TBCD: variants seen among roughly 807,000 people sequenced by gnomAD.
The protein encoded by TBCD is tubulin folding cofactor D, also known as tubulin-specific chaperone D.
TBCD carries 105 observed loss-of-function variants against 169.3 expected under a neutral mutation model. The ratio of observed to expected loss-of-function variants is 0.62; its 90% CI spans 0.53 to 0.73. The LOEUF is 0.73. TBCD is among the 30% of genes least tolerant of loss of function. The pLI, the probability that TBCD is intolerant of heterozygous loss-of-function variation, is 0.00. For synonymous variants in TBCD, 700 were observed against 643.9 expected (o/e 1.09, Z -1.32); for missense variants, 1,444 against 1,600.1 (o/e 0.90, Z 1.66).
intron 2 of TBCD, among the ~76,000 whole-genome samples, chr17:82,757,809 G>A (rs1299762619): frequency 5.9e-5 from 9 of 152,134 alleles, no homozygotes. Context: ...TAGCCATGCT[G>A]GATGGCGTGG....
Position 82,831,246 on chromosome 17 carries a change from G to A in TBCD, c.1318+16312G>A, listed in dbSNP as rs1051100039. The A allele has an allele frequency of 2.1e-5, 34 of 1,613,896 alleles. No homozygotes were observed. The highest frequency in any genetic ancestry group is 2.8e-5 in the Non-Finnish European group (33 of 1,180,036). On this transcript the variant is annotated intron_variant, in intron 13 of 38. Coordinates refer to ENST00000355528, the MANE Select transcript of TBCD (RefSeq NM_005993.5). The surrounding 1 kb of genome is among the most constrained non-coding windows in gnomAD (Gnocchi z 4.6). ...GGGAGCCCGTGGCTGCACTCCCTGC[G>A]CGGGGGCTCATTTTGGACCCTTCCG...
chr17:82,763,860 C>T, intron 2 of TBCD, 105 bp from the exon 3 acceptor site: 1 of 897,392 alleles, frequency 1.1e-6, no homozygotes, highest in Non-Finnish European at 1.8e-6. Context: ...CCACCTTGGT[C>T]TCCCAAAGTG....
chr17:82,832,023 T>G lies in TBCD; in HGVS notation c.1318+17089T>G, dbSNP rs754071746. The G allele has an allele frequency of 3.7e-6, 6 of 1,612,612 alleles. No homozygotes were observed. Among genetic ancestry groups the G allele is most frequent in the Non-Finnish European group, 5.1e-6 (6 of 1,178,772 alleles). On this transcript the variant is annotated intron_variant, in intron 13 of 38. Coordinates refer to ENST00000355528, the MANE Select transcript of TBCD (RefSeq NM_005993.5). This position sits in a 1 kb window ranked among gnomAD's most constrained non-coding sequence, Gnocchi z 4.9. Reference sequence around the variant, plus strand: ...GAGCAGGCTGGGCACCGAGGGCGGCTTCCGGAGCTGGGCTCTTGCAGGGTG... The same window carrying G: ...GAGCAGGCTGGGCACCGAGGGCGGCGTCCGGAGCTGGGCTCTTGCAGGGTG...
At chr17:82,768,697 C>G in intron 5 of TBCD, 131 bp downstream of exon 5, 1 of 977,122 alleles carries the variant, frequency 1.0e-6, no homozygotes, top group African/African-American at 1.7e-5. Flanking sequence ...GGGGTAAAAT[C>G]CCATAGGATA....
rs897179634 is a variant in TBCD, at chr17:82,831,064, C to G, written c.1318+16130C>G. On this transcript the variant is annotated intron_variant, in intron 13 of 38. Transcript: ENST00000355528. The surrounding 1 kb of genome is among the most constrained non-coding windows in gnomAD (Gnocchi z 4.6). Reference sequence around the variant, plus strand: ...GGTCTCAGCAGCCTGGGCAGGTAGGCATTCTGTGCTTTTCTTAACAGGCCT... The same window carrying G: ...GGTCTCAGCAGCCTGGGCAGGTAGGGATTCTGTGCTTTTCTTAACAGGCCT... 3 of 1,614,076 alleles carry G rather than the reference C, an allele frequency of 1.9e-6. No homozygotes were observed. Among genetic ancestry groups the G allele is most frequent in the African/African-American group, 2.7e-5 (2 of 74,940 alleles).
At chr17:82,812,138 C>T (rs1385199811) in intron 12 of TBCD, among the ~76,000 whole-genome samples, 1 of 152,140 alleles carries the variant, frequency 6.6e-6, no homozygotes, top group Non-Finnish European at 1.5e-5. Flanking sequence ...GTGGCAGAAG[C>T]AGGGTGCCTT....
rs1373467512 is a variant in TBCD at position 82,915,353 on chromosome 17, A to G, written c.2038+3564A>G. Among the ~76,000 whole-genome samples the G allele has an allele frequency of 2.0e-5, 3 of 152,152 alleles. No individual in the cohort carries two copies. The highest frequency in any genetic ancestry group is 4.4e-5 in the Non-Finnish European group (3 of 68,022). On this transcript the variant is annotated intron_variant, in intron 23 of 38. Coordinates refer to ENST00000355528, the MANE Select transcript of TBCD (RefSeq NM_005993.5). This position sits in a 1 kb window ranked among gnomAD's most constrained non-coding sequence, Gnocchi z 4.3. ...ACCCTTGGGAGTCGTCTGCGTCCCC[A>G]TATCAAAGAAATGTCATACAGGTTG...
chr17:82,876,565 AG>A (rs1256759431), intron 14 of TBCD, among the ~76,000 whole-genome samples: 24 of 152,346 alleles, frequency 1.6e-4, no homozygotes, highest in Admixed American at 1.6e-3. Flanking sequence ...TCGATGAGCC[AG>A]TTTTGTTCTG....
At chr17:82,761,227 G>A (rs771050685) in intron 2 of TBCD, among the ~76,000 whole-genome samples, 1 of 152,144 alleles carries the variant, frequency 6.6e-6, no homozygotes, top group Non-Finnish European at 1.5e-5. Context: ...GCCTCCCAAA[G>A]TGCTGGGATT....
At chr17:82,910,593 G>C (rs918495296) in intron 22 of TBCD, among the ~76,000 whole-genome samples, 1 of 151,500 alleles carries the variant, frequency 6.6e-6, no homozygotes, top group Non-Finnish European at 1.5e-5. Flanking sequence ...TGGAGAAGCA[G>C]TCTCACTCTG....
intron 13 of TBCD, among the ~76,000 whole-genome samples, chr17:82,859,038 G>A (rs987156235): frequency 6.6e-6 from 1 of 152,260 alleles, no homozygotes; most frequent in Non-Finnish European, 1.5e-5. Context: ...GGCCCCGAGA[G>A]GCCATGGGGA....
Position 82,927,242 on chromosome 17 carries a change from A to G in TBCD, c.2528A>G (p.Glu843Gly), listed in dbSNP as rs774817902. ...GCCCCAGACGAAGCTGTGTGCGGAGAGAATGTTTCCCAGATTTACTGTGCG... is the reference window on the plus strand; with the variant it reads ...GCCCCAGACGAAGCTGTGTGCGGAGGGAATGTTTCCCAGATTTACTGTGCG... ...AGAPDEAVCG[E>G]NVSQIYCALL... The change falls in exon 29 of 39, where the codon GAG (glutamate) becomes GGG (glycine). Residue 843 changes from glutamate to glycine, a missense_variant. Transcript: ENST00000355528. The G allele has an allele frequency of 1.4e-5, 23 of 1,613,770 alleles. No individual in the cohort carries two copies. In the African/African-American group the frequency reaches 2.4e-4, roughly 17 times the overall value.
At position 82,752,122 on chromosome 17, in the gene TBCD, C is replaced by A; in HGVS notation, c.-72C>A. ...CCTTTTCATCCCTCATCCTTCATCC[C>A]TGGCTTTCGCGCTCTAGCGGAGTGG... On this transcript the variant is annotated 5_prime_UTR_variant, in exon 1 of 39. It adds an upstream start codon to the 5' untranslated region. Transcript: ENST00000355528. 7.1e-7 allele frequency: 1 copy of A among 1,406,352 alleles called. No homozygotes were observed. The highest frequency in any genetic ancestry group is 9.3e-7 in the Non-Finnish European group (1 of 1,080,546). 87.1% of individuals were successfully genotyped at this position (1,406,352 alleles called of 1,614,324 possible).
chr17:82,845,121 G>T (rs1444803824), intron 13 of TBCD, among the ~76,000 whole-genome samples: 5 of 152,138 alleles, frequency 3.3e-5, no homozygotes, highest in Non-Finnish European at 7.4e-5. Context: ...CGCGGCCTCT[G>T]TGTCAGGGCC....
rs75242796 is a variant in TBCD, at chr17:82,927,172, A to C, written c.2472-14A>C. The C allele has an allele frequency of 4.3e-3, 6,886 of 1,613,954 alleles. 287 individuals carry two copies. In the African/African-American group the frequency reaches 0.08, roughly 19 times the overall value. ...CCGATGTTTGTTTGTTAGCTCACACATTTTAAATTTCAGGATTTGCCAGAC... is the reference window on the plus strand; with the variant it reads ...CCGATGTTTGTTTGTTAGCTCACACCTTTTAAATTTCAGGATTTGCCAGAC... On this transcript the variant is annotated splice_polypyrimidine_tract_variant and intron_variant, in intron 28 of 38. Coordinates refer to ENST00000355528, the MANE Select transcript of TBCD (RefSeq NM_005993.5).
Position 82,809,745 on chromosome 17 carries a change from G to A in TBCD, c.1186G>A (p.Ala396Thr), listed in dbSNP as rs1357608820. The change falls in exon 12 of 39, where the codon GCG becomes ACG. Residue 396 changes from alanine to threonine, a missense_variant. Physicochemically the swap from Ala to Thr is moderately conservative, Grantham distance 58 (BLOSUM62 0). Coordinates refer to ENST00000355528, the MANE Select transcript of TBCD (RefSeq NM_005993.5). Reference sequence around the variant, plus strand: ...GGCTGGCAGGCTTCCCAGAGCCCTGGCGGATGATGTGGTCGGGTCTGTGCT... The same window carrying A: ...GGCTGGCAGGCTTCCCAGAGCCCTGACGGATGATGTGGTCGGGTCTGTGCT... The part of the protein sequence containing the change: ...RMAGRLPRAL[A>T]DDVVGSVLDC... 1 of 1,613,598 alleles carries A rather than the reference G, an allele frequency of 6.2e-7. No individual in the cohort carries two copies. The highest frequency in any genetic ancestry group is 8.5e-7 in the Non-Finnish European group (1 of 1,179,768).
At position 82,930,868 on chromosome 17, in the gene TBCD, G is replaced by A. The variant is rs2062142539; in HGVS notation, c.3113+225G>A. 6.6e-6 allele frequency among the ~76,000 whole-genome samples: 1 copy of A among 152,240 alleles called. No homozygotes were observed. Among genetic ancestry groups the A allele is most frequent in the African/African-American group, 2.4e-5 (1 of 41,464 alleles). On this transcript the variant is annotated intron_variant, in intron 33 of 38. Transcript: ENST00000355528. This position sits in a 1 kb window ranked among gnomAD's most constrained non-coding sequence, Gnocchi z 5.2. ...GCGCCTCCTCTTCTAGCCTCCACAT[G>A]AGGCAGGGAAATGACCGTTGTGTGT... is the stretch of plus-strand genomic sequence containing the variant.
chr17:82,846,837 C>T (rs908654865), intron 13 of TBCD, among the ~76,000 whole-genome samples: 2 of 152,180 alleles, frequency 1.3e-5, no homozygotes, highest in Admixed American at 6.5e-5. Context: ...CCCTCCCCAC[C>T]CACCCTCATT....
At chr17:82,794,505 C>T (rs1467116969) in intron 7 of TBCD, among the ~76,000 whole-genome samples, 1 of 152,108 alleles carries the variant, frequency 6.6e-6, no homozygotes, top group African/African-American at 2.4e-5. Flanking sequence ...TAATTTGGTT[C>T]CCATTATGCT....
Sources: allele counts gnomAD v4.1 joint callset (sites outside exome capture counted in the v4.1 genomes callset), GRCh38; gene constraint gnomAD v4.1.1; non-coding constraint Gnocchi (gnomAD v3.1); transcripts MANE v1.5; gene names NCBI Gene and HGNC (gene_info 2026-07-23, HGNC 2026-07-21).